The following ARID5B variants were observed in gnomAD, a reference collection of about 807,000 sequenced individuals.
ARID5B encodes the protein AT-rich interactive domain-containing protein 5B.
ARID5B carries 13 observed loss-of-function variants against 97.2 expected under a neutral mutation model. The ratio of observed to expected loss-of-function variants is 0.13; its 90% CI spans 0.09 to 0.21. ARID5B has a LOEUF of 0.21. Ranked by LOEUF, ARID5B falls within the 10% of genes least tolerant of loss-of-function variation. ARID5B has a pLI of 1.00. For synonymous variants in ARID5B, 556 were observed against 570.3 expected (o/e 0.97, Z 0.36); for missense variants, 1,210 against 1,465.3 (o/e 0.83, Z 2.84).
chr10:62,049,399 C>T, intron 4 of ARID5B: 1 of 1,549,832 alleles, frequency 6.5e-7, no homozygotes, highest in South Asian at 1.2e-5. Flanking sequence ...TCGAGACTTC[C>T]AGGGATGTGG....
chr10:62,000,440 C>G lies in ARID5B; in HGVS notation c.733+119C>G, dbSNP rs897505247. On this transcript the variant is annotated intron_variant, in intron 4 of 9. Transcript: ENST00000279873. This position sits in a 1 kb window ranked among gnomAD's most constrained non-coding sequence, Gnocchi z 4.4. ...CACTTTCACAAGCCCCATGTGCTGC[C>G]CCACCCCTCCCATCCCCCAAATTAT... is the stretch of plus-strand genomic sequence containing the variant. 3.4e-6 allele frequency: 3 copies of G among 878,188 alleles called. No individual in the cohort carries two copies. Among genetic ancestry groups the G allele is most frequent in the African/African-American group, 3.4e-5 (2 of 58,816 alleles). 54.4% of individuals were successfully genotyped at this position (878,188 alleles called of 1,614,324 possible).
At chr10:62,051,050 T>C (rs1289659954) in intron 5 of ARID5B, 50 bp downstream of exon 5, 1 of 1,509,426 alleles carries the variant, frequency 6.6e-7, no homozygotes, top group Non-Finnish European at 9.2e-7. Context: ...TTTTTATTTT[T>C]GCTTTTTCTC....
In ARID5B at chr10:62,091,389, C is replaced by T. The variant is rs1308242760; in HGVS notation, c.1926C>T (p.Leu642=). ...GCAGTGACGACATCCACAATGCGCT[C>T]AAGCAGACCCCAAAGGTCCTTGTGG... ...QLGSDDIHNA[L]KQTPKVLVVQ... is the part of the protein sequence containing the mutation. Residue 642 remains leucine (L), a synonymous_variant, in exon 10 of 10, where the codon CTC becomes CTT. Coordinates refer to ENST00000279873, the MANE Select transcript of ARID5B (RefSeq NM_032199.3). 4 of 1,613,882 alleles carry T rather than the reference C, an allele frequency of 2.5e-6. No individual in the cohort carries two copies. The highest frequency in any genetic ancestry group is 3.4e-6 in the Non-Finnish European group (4 of 1,179,936).
chr10:61,926,561 A>G lies in ARID5B; in HGVS notation c.277-13622A>G, dbSNP rs146449482. Among the ~76,000 whole-genome samples the G allele has an allele frequency of 7.1e-3, 1,081 of 152,230 alleles. 9 individuals are homozygous for G. The highest frequency in any genetic ancestry group is 0.041 in the Middle Eastern group (12 of 294). ...GCTGTGTCCTTGAGAGCTGGGGAGGATGAGAAACCCAGGTATTTAATTTTA... is the reference window on the plus strand; with the variant it reads ...GCTGTGTCCTTGAGAGCTGGGGAGGGTGAGAAACCCAGGTATTTAATTTTA... On this transcript the variant is annotated intron_variant, in intron 2 of 9. Transcript: ENST00000279873.
At chr10:62,082,285 G>A (rs1840223555) in intron 8 of ARID5B, among the ~76,000 whole-genome samples, 1 of 152,138 alleles carries the variant, frequency 6.6e-6, no homozygotes, top group African/African-American at 2.4e-5. Flanking sequence ...GTGAAATCTG[G>A]ATAATAATAA....
rs530501541 is a variant in ARID5B, at chr10:61,958,097, C to A, written c.502+17689C>A. 1.7e-4 allele frequency among the ~76,000 whole-genome samples: 26 copies of A among 152,258 alleles called. No homozygotes were observed. The South Asian group carries it at 5.2e-3, about 30-fold the overall frequency. ...AGGAACTCACAGGTAGCAGGGCAAACAGCTACAACTATGTTATAAGGTAGA... is the reference window on the plus strand; with the variant it reads ...AGGAACTCACAGGTAGCAGGGCAAAAAGCTACAACTATGTTATAAGGTAGA... On this transcript the variant is annotated intron_variant, in intron 3 of 9. Coordinates refer to ENST00000279873, the MANE Select transcript of ARID5B (RefSeq NM_032199.3).
At position 61,926,977 on chromosome 10, in the gene ARID5B, G is replaced by A. The variant is rs1037109699; in HGVS notation, c.277-13206G>A. Among the ~76,000 whole-genome samples the A allele has an allele frequency of 2.0e-5, 3 of 152,102 alleles. 1 individual carries two copies. The highest frequency in any genetic ancestry group is 2.0e-4 in the Admixed American group (3 of 15,286). On this transcript the variant is annotated intron_variant, in intron 2 of 9. Transcript: ENST00000279873. ...GTAATTGCGGTTTTTGCCATTGAAA[G>A]TAATGGCAAAAACCACAATGACTTT...
At chr10:62,014,219 G>C (rs907533864) in intron 4 of ARID5B, among the ~76,000 whole-genome samples, 1 of 152,038 alleles carries the variant, frequency 6.6e-6, no homozygotes, top group Non-Finnish European at 1.5e-5. Flanking sequence ...ACATTTCCTT[G>C]TTACCAATAT....
At chr10:61,934,114 C>T (rs1274071413) in intron 2 of ARID5B, among the ~76,000 whole-genome samples, 1 of 152,218 alleles carries the variant, frequency 6.6e-6, no homozygotes, top group Admixed American at 6.5e-5. Flanking sequence ...CAGCTTCTTT[C>T]CTTAAACCTC....
At chr10:61,915,794 C>T (rs149048147) in intron 2 of ARID5B, among the ~76,000 whole-genome samples, 4 of 152,188 alleles carry the variant, frequency 2.6e-5, no homozygotes, top group Non-Finnish European at 4.4e-5. Context: ...CTCGCTCTGT[C>T]GCCCAGGCTA....
At chr10:62,051,811 GGATTTTAGTT>G (rs1366610031) in intron 5 of ARID5B, among the ~76,000 whole-genome samples, 2 of 151,960 alleles carry the variant, frequency 1.3e-5, no homozygotes, top group African/African-American at 4.8e-5. Flanking sequence ...CGTCCCTTTA[GGATTTTAGTT>G]GACGAACAGA....
At chr10:61,908,043 AC>A (rs34994955) in intron 2 of ARID5B, among the ~76,000 whole-genome samples, 57,701 of 152,084 alleles carry the variant, frequency 0.38, 11,777 homozygotes, top group Non-Finnish European at 0.46. Flanking sequence ...AAGAAATTGT[AC>A]TTCAATATTA....
Position 61,909,458 on chromosome 10 carries a change from TG to T in ARID5B, c.276+7048del, listed in dbSNP as rs537501362. 2.7e-3 allele frequency among the ~76,000 whole-genome samples: 405 copies of T among 151,618 alleles called. 1 individual carries two copies. Among genetic ancestry groups the T allele is most frequent in the Non-Finnish European group, 4.7e-3 (318 of 67,918 alleles). On this transcript the variant is annotated intron_variant, in intron 2 of 9. Transcript: ENST00000279873. ...CTCCTGCCTCAGCCTCCAGAGTAGC[TG>T]GGACTACAGGCGCCAGCCACCGCGG...
In ARID5B at chr10:62,094,402, A is replaced by G. The variant is rs1455492922; in HGVS notation, c.*1372A>G. 4.3e-6 allele frequency: 1 copy of G among 230,522 alleles called. No individual in the cohort carries two copies. Among genetic ancestry groups the G allele is most frequent in the Non-Finnish European group, 8.6e-6 (1 of 116,368 alleles). The allele number at this position is 230,522 out of a possible 1,614,324, so 14.3% of individuals were successfully genotyped here. On this transcript the variant is annotated 3_prime_UTR_variant, in exon 10 of 10. Transcript: ENST00000279873. ...CAGGCCACATCTTTGGGGATAACTG[A>G]CATACTGGATTAGCCTTTTCAAAAG...
chr10:61,926,959 C>A (rs71468964), intron 2 of ARID5B, among the ~76,000 whole-genome samples: 1,598 of 152,104 alleles, frequency 0.011, 20 homozygotes, highest in South Asian at 0.071. Context: ...AAAGTAATTG[C>A]GGTTTTTGCC....
At chr10:61,970,236 G>A (rs766659206) in intron 3 of ARID5B, among the ~76,000 whole-genome samples, 4 of 152,200 alleles carry the variant, frequency 2.6e-5, no homozygotes, top group Non-Finnish European at 2.9e-5. Context: ...ACAAGAATGC[G>A]AACAGAAACA....
At chr10:61,963,741 T>A (rs1838506078) in intron 3 of ARID5B, among the ~76,000 whole-genome samples, 2 of 152,098 alleles carry the variant, frequency 1.3e-5, no homozygotes, top group Admixed American at 6.6e-5. Flanking sequence ...GCCTGTGTCC[T>A]GATTTCAGGA....
chr10:62,025,931 G>T (rs955617511), intron 4 of ARID5B, among the ~76,000 whole-genome samples: 3 of 152,068 alleles, frequency 2.0e-5, no homozygotes, highest in African/African-American at 7.2e-5. Context: ...TTCAAAAGGT[G>T]TTCGTATCTG....
intron 3 of ARID5B, among the ~76,000 whole-genome samples, chr10:61,990,378 T>C (rs1838907537): frequency 6.6e-6 from 1 of 152,180 alleles, no homozygotes; most frequent in African/African-American, 2.4e-5. Flanking sequence ...TGACCCTTTG[T>C]CTAAAAAAGG....
Sources: gnomAD v4.1 joint callset for allele counts (sites outside exome capture counted in the v4.1 genomes callset) on GRCh38, gnomAD v4.1.1 for gene constraint, Gnocchi (gnomAD v3.1) non-coding constraint, MANE v1.5 for transcripts, NCBI Gene and HGNC (gene_info 2026-07-23, HGNC 2026-07-21) for gene names.